Variants in MYRIP observed in about 807,000 individuals in gnomAD.
The protein encoded by MYRIP is rab effector MyRIP.
In MYRIP, 49 loss-of-function variants were observed where a neutral mutation model predicts 98.0. That is an observed-to-expected ratio of 0.50 (90% CI 0.40 to 0.63). The LOEUF is 0.63. MYRIP is among the 30% of genes least tolerant of loss of function. The probability of loss-of-function intolerance (pLI) is 0.00; values close to 1 mark genes in which losing one functional copy is unlikely to be tolerated. For synonymous variants in MYRIP, 404 were observed against 409.5 expected, an observed-to-expected ratio of 0.99 and a Z score of 0.16; for missense variants, 1,004 against 1,058.2, an observed-to-expected ratio of 0.95 and a Z score of 0.71.
At chr3:39,982,908 C>A (rs758408365) in intron 2 of MYRIP, among the ~76,000 whole-genome samples, 1 of 152,056 alleles carries the variant, frequency 6.6e-6, no homozygotes, top group Non-Finnish European at 1.5e-5. Flanking sequence ...ATATGTCAAC[C>A]GCATTTTCCA....
At chr3:39,873,199 T>C (rs1364951266) in intron 1 of MYRIP, among the ~76,000 whole-genome samples, 1 of 152,222 alleles carries the variant, frequency 6.6e-6, no homozygotes, top group Non-Finnish European at 1.5e-5. Flanking sequence ...GTTTTTTTCT[T>C]GTACATTTGT....
chr3:40,002,779 T>A (rs1946547747), intron 2 of MYRIP, among the ~76,000 whole-genome samples: 1 of 152,116 alleles, frequency 6.6e-6, no homozygotes, highest in Non-Finnish European at 1.5e-5. Context: ...CATATAGGTA[T>A]AGATATAAAT....
At position 40,250,492 on chromosome 3, in the gene MYRIP, G is replaced by A. The variant is rs774719445; in HGVS notation, c.2421G>A (p.Pro807=). The A allele has an allele frequency of 1.2e-5, 19 of 1,614,144 alleles. No homozygotes were observed. Among genetic ancestry groups the A allele is most frequent in the Middle Eastern group, 1.6e-4 (1 of 6,062 alleles). ...RQQRRKLPAP[P]VKAEKIETSS... is the part of the protein sequence containing the mutation. ...AAAGGAGGAAACTGCCTGCTCCACC[G>A]GTGAAAGGTATGCTAAATTAAAACC... is the stretch of plus-strand genomic sequence containing the variant. Residue 807 remains proline, a synonymous_variant, in exon 15 of 17, where the codon CCG becomes CCA. Coordinates refer to ENST00000302541, the MANE Select transcript of MYRIP (RefSeq NM_015460.4).
chr3:39,934,443 G>C (rs1343040062), intron 2 of MYRIP, among the ~76,000 whole-genome samples: 1 of 152,118 alleles, frequency 6.6e-6, no homozygotes, highest in Non-Finnish European at 1.5e-5. Flanking sequence ...AGACGAGTCT[G>C]GGACCCAGGC....
At chr3:40,253,972 A>ACTC (rs758792718) in intron 16 of MYRIP, among the ~76,000 whole-genome samples, 1 of 151,950 alleles carries the variant, frequency 6.6e-6, no homozygotes, top group Non-Finnish European at 1.5e-5. Context: ...GTCCATATTC[A>ACTC]CTCTTCCTTA....
intron 3 of MYRIP, among the ~76,000 whole-genome samples, chr3:40,138,217 C>T (rs575340584): frequency 2.0e-5 from 3 of 152,318 alleles, no homozygotes; most frequent in Admixed American, 6.5e-5. Flanking sequence ...AGGACAGATG[C>T]ACAGAGGTCA....
intron 2 of MYRIP, among the ~76,000 whole-genome samples, chr3:40,000,700 A>G (rs1946499693): frequency 6.6e-6 from 1 of 152,174 alleles, no homozygotes; most frequent in South Asian, 2.1e-4. Context: ...GCAGACTACA[A>G]GCCAAGAAAA....
chr3:40,060,676 C>G (rs553312596), intron 3 of MYRIP, among the ~76,000 whole-genome samples: 1 of 151,088 alleles, frequency 6.6e-6, no homozygotes, highest in Admixed American at 6.6e-5. Flanking sequence ...ACTGCAACCT[C>G]CACCTCCTGG....
intron 2 of MYRIP, among the ~76,000 whole-genome samples, chr3:39,999,075 C>G (rs1462471398): frequency 1.3e-5 from 2 of 152,160 alleles, no homozygotes; most frequent in South Asian, 4.1e-4. Flanking sequence ...CATAAAAACC[C>G]TAGAAGAAAA....
chr3:40,036,859 G>A (rs894679200), intron 2 of MYRIP, among the ~76,000 whole-genome samples: 2 of 152,058 alleles, frequency 1.3e-5, no homozygotes. Context: ...CAATAGCCAT[G>A]TAGAACACCA....
chr3:40,083,565 C>T (rs1338535800), intron 3 of MYRIP, among the ~76,000 whole-genome samples: 1 of 152,122 alleles, frequency 6.6e-6, no homozygotes, highest in African/African-American at 2.4e-5. Flanking sequence ...TCCCTAGATA[C>T]CAGACCTGGT....
At chr3:40,118,178 TC>T (rs1255583004) in intron 3 of MYRIP, among the ~76,000 whole-genome samples, 1 of 152,188 alleles carries the variant, frequency 6.6e-6, no homozygotes, top group Non-Finnish European at 1.5e-5. Flanking sequence ...ATACCAGTGT[TC>T]ACCAATTGGA....
chr3:39,851,569 C>T (rs1318775578), intron 1 of MYRIP, among the ~76,000 whole-genome samples: 3 of 152,206 alleles, frequency 2.0e-5, no homozygotes, highest in African/African-American at 4.8e-5. Context: ...GGAAGCTGTT[C>T]TTCCACCTTC....
intron 1 of MYRIP, among the ~76,000 whole-genome samples, chr3:39,849,694 C>T (rs911724162): frequency 1.3e-5 from 2 of 152,126 alleles, no homozygotes; most frequent in African/African-American, 2.4e-5. Flanking sequence ...TGCTAGTCCT[C>T]GGGTTTTCTA....
intron 2 of MYRIP, among the ~76,000 whole-genome samples, chr3:40,003,816 A>T (rs1946574657): frequency 6.6e-6 from 1 of 152,206 alleles, no homozygotes; most frequent in East Asian, 1.9e-4. Flanking sequence ...GCCACATAGT[A>T]TAAATCGTAC....
chr3:39,965,207 C>T (rs1308079734), intron 2 of MYRIP, among the ~76,000 whole-genome samples: 3 of 152,030 alleles, frequency 2.0e-5, no homozygotes, highest in African/African-American at 7.2e-5. Flanking sequence ...ATTTTACCTT[C>T]TTTATGTACA....
At chr3:39,870,602 GT>G (rs200483798) in intron 1 of MYRIP, among the ~76,000 whole-genome samples, 1 of 151,982 alleles carries the variant, frequency 6.6e-6, no homozygotes, top group African/African-American at 2.4e-5. Flanking sequence ...TAGCATTCAT[GT>G]TTTTTCCCAT....
At chr3:40,194,744 A>G (rs1257988617) in intron 10 of MYRIP, among the ~76,000 whole-genome samples, 2 of 152,090 alleles carry the variant, frequency 1.3e-5, no homozygotes, top group Non-Finnish European at 2.9e-5. Context: ...GTGAAGTTTT[A>G]TAGATTTTTT....
intron 11 of MYRIP, among the ~76,000 whole-genome samples, chr3:40,220,126 A>G (rs1952290655): frequency 6.6e-6 from 1 of 152,010 alleles, no homozygotes; most frequent in Non-Finnish European, 1.5e-5. Flanking sequence ...GGCTGCATAA[A>G]TGTCTTCTTT....
Sources: gnomAD v4.1 joint callset for allele counts (sites outside exome capture counted in the v4.1 genomes callset) on GRCh38, gnomAD v4.1.1 for gene constraint, MANE v1.5 for transcripts, NCBI Gene and HGNC (gene_info 2026-07-23, HGNC 2026-07-21) for gene names.